The following FSTL1 variants were observed in gnomAD, a reference collection of about 807,000 sequenced individuals.
The protein encoded by FSTL1 is follistatin-related protein 1.
In FSTL1, 24 loss-of-function variants were observed where a neutral mutation model predicts 45.9. That is an observed-to-expected ratio of 0.52 (90% confidence interval 0.38 to 0.74). The LOEUF is 0.74. Ranked by LOEUF, FSTL1 falls within the 30% of genes least tolerant of loss-of-function variation. FSTL1 has a pLI of 0.00. For synonymous variants in FSTL1, 120 were observed against 137.6 expected (o/e 0.87, Z 0.89); for missense variants, 340 against 381.8 (o/e 0.89, Z 0.91).
intron 2 of FSTL1, among the ~76,000 whole-genome samples, chr3:120,430,273 TACTC>T (rs1438445514): frequency 6.6e-6 from 1 of 152,302 alleles, no homozygotes; most frequent in East Asian, 1.9e-4. Flanking sequence ...TCCTGACAGT[TACTC>T]ATTGACTCAG....
intron 2 of FSTL1, chr3:120,423,107 A>G (rs559987074): frequency 1.1e-4 from 17 of 152,176 alleles, no homozygotes; most frequent in Non-Finnish European, 2.4e-4. Flanking sequence ...GTGCCTGGAA[A>G]TTACTATATT....
chr3:120,399,162 A>G (rs1936766493), intron 10 of FSTL1, among the ~76,000 whole-genome samples: 1 of 152,224 alleles, frequency 6.6e-6, no homozygotes, highest in Admixed American at 6.5e-5. Flanking sequence ...CGGACAGGTA[A>G]TGGAAGGTGC....
At chr3:120,441,030 C>G (rs1259329) in intron 2 of FSTL1, among the ~76,000 whole-genome samples, 87,957 of 152,124 alleles carry the variant, frequency 0.58, 29,191 homozygotes, top group East Asian at 0.79. Flanking sequence ...GAAGCTGTGG[C>G]CTTGGCTCCC....
At chr3:120,410,841 C>G in intron 5 of FSTL1, 111 bp downstream of exon 5, 1 of 883,950 alleles carries the variant, frequency 1.1e-6, no homozygotes, top group Non-Finnish European at 1.9e-6. Context: ...GGACACAATT[C>G]TGATGCATAG....
At chr3:120,414,656 T>C (rs2107657293) in intron 3 of FSTL1, among the ~76,000 whole-genome samples, 1 of 152,130 alleles carries the variant, frequency 6.6e-6, no homozygotes, top group Admixed American at 6.5e-5. Flanking sequence ...AGAAAACTTC[T>C]TCTGCCTTGG....
intron 3 of FSTL1, among the ~76,000 whole-genome samples, chr3:120,412,725 T>A (rs1428699699): frequency 6.6e-6 from 1 of 152,090 alleles, no homozygotes; most frequent in Admixed American, 6.5e-5. Context: ...CTAAGATCCC[T>A]TAATATTCCA....
Position 120,410,961 on chromosome 3 carries a change from C to T in FSTL1, c.322G>A (p.Ala108Thr). Residue 108 changes from alanine to threonine, a missense_variant, in exon 5 of 11, where the codon GCC (alanine) becomes ACC (threonine). Coordinates refer to ENST00000295633, the MANE Select transcript of FSTL1 (RefSeq NM_007085.5). ...AAAAATAGGCACTCACCTGGGCTGGCAGATGGACTTACGGATTTCTTCTCT... is the reference window on the plus strand; with the variant it reads ...AAAAATAGGCACTCACCTGGGCTGGTAGATGGACTTACGGATTTCTTCTCT... ...CKEKKSVSPS[A>T]SPVVCYQSNR... 1 of 1,610,992 alleles carries T rather than the reference C, an allele frequency of 6.2e-7. No individual in the cohort carries two copies. Among genetic ancestry groups the T allele is most frequent in the Non-Finnish European group, 8.5e-7 (1 of 1,177,256 alleles).
chr3:120,412,838 G>GCAGA (rs1553703001), intron 3 of FSTL1, among the ~76,000 whole-genome samples: 2 of 106,132 alleles, frequency 1.9e-5, no homozygotes, highest in Admixed American at 9.1e-5. Flanking sequence ...GCGCGCGCGC[G>GCAGA]CACACACACA....
At chr3:120,446,353 A>T (rs527362740) in intron 2 of FSTL1, among the ~76,000 whole-genome samples, 1 of 152,192 alleles carries the variant, frequency 6.6e-6, no homozygotes, top group Non-Finnish European at 1.5e-5. Context: ...ACTTGCTTCT[A>T]TGAGCCTGGG....
intron 10 of FSTL1, 64 bp from the exon 11 acceptor site, chr3:120,397,060 T>C: frequency 2.4e-6 from 3 of 1,253,090 alleles, no homozygotes; most frequent in Non-Finnish European, 3.5e-6. Flanking sequence ...ATTTATCTGT[T>C]CCTCAAGACT....
chr3:120,421,631 GTCTC>G (rs963220415), intron 2 of FSTL1: 1 of 152,272 alleles, frequency 6.6e-6, no homozygotes, highest in African/African-American at 2.4e-5. Context: ...CCTTGTTCAA[GTCTC>G]TCTTTTTTTC....
intron 2 of FSTL1, among the ~76,000 whole-genome samples, chr3:120,431,865 G>T (rs1347196456): frequency 6.6e-6 from 1 of 152,184 alleles, no homozygotes; most frequent in Non-Finnish European, 1.5e-5. Flanking sequence ...CCAGGATACT[G>T]AGTAATGAGG....
intron 2 of FSTL1, among the ~76,000 whole-genome samples, chr3:120,427,936 T>A (rs141212920): frequency 0.018 from 2,726 of 152,182 alleles, 34 homozygotes; most frequent in Non-Finnish European, 0.031. Context: ...GGGCCTATAC[T>A]AGGGGGAAGT....
At chr3:120,398,259 T>A (rs1462695725) in intron 10 of FSTL1, among the ~76,000 whole-genome samples, 1 of 152,164 alleles carries the variant, frequency 6.6e-6, no homozygotes, top group Non-Finnish European at 1.5e-5. Flanking sequence ...AAGAAATAAA[T>A]TTTTAAAACC....
rs150914864 is a variant in FSTL1, at chr3:120,418,484, C to T, written c.64-2457G>A. On this transcript the variant is annotated intron_variant, in intron 2 of 10. Coordinates refer to ENST00000295633, the MANE Select transcript of FSTL1 (RefSeq NM_007085.5). ...AGACATCATTACTAGCCCCATTTCA[C>T]AGGTGAGAGAGCAGAGGCTTAAATA... Among the ~76,000 whole-genome samples the T allele has an allele frequency of 2.6e-5, 4 of 152,320 alleles. No individual in the cohort carries two copies. In the East Asian group the frequency reaches 7.7e-4, roughly 29 times the overall value.
intron 6 of FSTL1, among the ~76,000 whole-genome samples, chr3:120,409,017 T>C (rs1316930679): frequency 6.6e-6 from 1 of 152,332 alleles, no homozygotes; most frequent in East Asian, 1.9e-4. Flanking sequence ...TAATTATGAT[T>C]GGGAACAGCA....
chr3:120,408,582 TG>T (rs1010976165), intron 6 of FSTL1, among the ~76,000 whole-genome samples: 20 of 152,172 alleles, frequency 1.3e-4, no homozygotes, highest in African/African-American at 4.6e-4. Flanking sequence ...GAGTCCTGGC[TG>T]GGTTGGGCCC....
chr3:120,436,171 C>CA (rs1261177273), intron 2 of FSTL1, among the ~76,000 whole-genome samples: 4 of 151,958 alleles, frequency 2.6e-5, no homozygotes, highest in Non-Finnish European at 5.9e-5. Flanking sequence ...TGAAAAAACA[C>CA]AAAGACTCTT....
At chr3:120,432,867 T>C (rs978744847) in intron 2 of FSTL1, among the ~76,000 whole-genome samples, 7 of 152,162 alleles carry the variant, frequency 4.6e-5, no homozygotes, top group African/African-American at 1.4e-4. Flanking sequence ...CTGTCCACTG[T>C]GTTAGCGGTG....
Sources: allele counts gnomAD v4.1 joint callset (sites outside exome capture counted in the v4.1 genomes callset), GRCh38; gene constraint gnomAD v4.1.1; transcripts MANE v1.5; gene names NCBI Gene and HGNC (gene_info 2026-07-23, HGNC 2026-07-21).